The following FAM167A variants were observed in gnomAD, a reference collection of about 807,000 sequenced individuals.
FAM167A encodes the protein protein FAM167A.
A neutral mutation model predicts 14.9 loss-of-function variants in FAM167A; 23 were observed. The observed-to-expected ratio is 1.55, with a 90% CI of 1.11 to 2.19. The LOEUF (loss-of-function observed/expected upper bound fraction) is 2.19. Ranked by LOEUF, FAM167A falls within the 30% of genes most tolerant of loss-of-function variation. The probability of loss-of-function intolerance (pLI) is 0.00; values close to 1 mark genes in which losing one functional copy is unlikely to be tolerated. For synonymous variants in FAM167A, 174 were observed against 117.7 expected, an observed-to-expected ratio of 1.48 and a Z score of -3.10; for missense variants, 401 against 281.5, an observed-to-expected ratio of 1.42 and a Z score of -3.04.
chr8:11,452,709 A>G (rs577030800), intron 1 of FAM167A, among the ~76,000 whole-genome samples: 2 of 152,336 alleles, frequency 1.3e-5, no homozygotes, highest in Admixed American at 6.5e-5. Context: ...CATGAAACCG[A>G]AGCCCAAGCT....
At chr8:11,431,361 G>A (rs1227209790) in intron 2 of FAM167A, among the ~76,000 whole-genome samples, 8 of 152,338 alleles carry the variant, frequency 5.3e-5, no homozygotes, top group Non-Finnish European at 1.0e-4. Flanking sequence ...GTGATGGAAA[G>A]CAGGACAGTG....
At chr8:11,458,527 G>A (rs1030352390) in intron 1 of FAM167A, among the ~76,000 whole-genome samples, 4 of 152,098 alleles carry the variant, frequency 2.6e-5, no homozygotes, top group African/African-American at 7.2e-5. Context: ...CCTGCCCCAG[G>A]AACACTCACG....
intron 1 of FAM167A, among the ~76,000 whole-genome samples, chr8:11,463,917 A>T (rs960755962): frequency 6.6e-6 from 1 of 152,142 alleles, no homozygotes; most frequent in African/African-American, 2.4e-5. Context: ...TATAGATGAC[A>T]ACTTGGGGGG....
chr8:11,467,911 C>G (rs1226149701), upstream of FAM167A, among the ~76,000 whole-genome samples: 1 of 152,248 alleles, frequency 6.6e-6, no homozygotes, highest in East Asian at 1.9e-4. Context: ...CGGTCCTAAG[C>G]TAGCGGGTGT....
rs1804960317 is a variant in FAM167A, at chr8:11,424,129, G to A, written c.*244C>T. On this transcript the variant is annotated 3_prime_UTR_variant, in exon 3 of 3. Transcript: ENST00000284486. ...CCAGGTCTCCTTTAACATCTTGGTT[G>A]GAGCGGCCCTTCTGCAGAGCTCTTT... 1.9e-6 allele frequency: 1 copy of A among 515,344 alleles called. No homozygotes were observed. Among genetic ancestry groups the A allele is most frequent in the Non-Finnish European group, 3.5e-6 (1 of 287,644 alleles). 31.9% of individuals were successfully genotyped at this position (515,344 alleles called of 1,614,324 possible).
At chr8:11,437,346 T>C (rs927189311) in intron 2 of FAM167A, among the ~76,000 whole-genome samples, 3 of 152,212 alleles carry the variant, frequency 2.0e-5, no homozygotes, top group Admixed American at 6.5e-5. Context: ...ACATGCGTAA[T>C]ACAGTACCCA....
At chr8:11,428,028 C>G (rs142135659) in intron 2 of FAM167A, among the ~76,000 whole-genome samples, 2,650 of 152,262 alleles carry the variant, frequency 0.017, 34 homozygotes, top group Middle Eastern at 0.065. Flanking sequence ...CTGCGAACAC[C>G]CATTGCCTTA....
intron 2 of FAM167A, among the ~76,000 whole-genome samples, chr8:11,432,639 G>C (rs1248903031): frequency 6.6e-6 from 1 of 152,192 alleles, no homozygotes; most frequent in Admixed American, 6.5e-5. Context: ...TTCAACCATT[G>C]TGGAAGACAG....
At chr8:11,440,605 G>T (rs1284855187) in intron 2 of FAM167A, among the ~76,000 whole-genome samples, 1 of 152,224 alleles carries the variant, frequency 6.6e-6, no homozygotes, top group African/African-American at 2.4e-5. Flanking sequence ...AGAGCTGCTA[G>T]GTGGTCAGAG....
At chr8:11,435,033 C>CCCT (rs1805910808) in intron 2 of FAM167A, 1 of 456,478 alleles carries the variant, frequency 2.2e-6, no homozygotes, top group Non-Finnish European at 4.4e-6. Flanking sequence ...CTGCCTCCCC[C>CCCT]CCTCACTCAA....
intron 2 of FAM167A, among the ~76,000 whole-genome samples, chr8:11,433,214 T>C (rs916232141): frequency 2.0e-5 from 3 of 148,644 alleles, no homozygotes; most frequent in Non-Finnish European, 4.5e-5. Context: ...TAAAAAAAAA[T>C]AAAAAATAAA....
intron 2 of FAM167A, among the ~76,000 whole-genome samples, chr8:11,428,860 T>C (rs1359584907): frequency 7.2e-5 from 11 of 152,164 alleles, no homozygotes; most frequent in South Asian, 2.1e-4. Context: ...TCTGCTGTAA[T>C]TGAACCAAAT....
At chr8:11,462,175 G>A (rs535340424) in intron 1 of FAM167A, among the ~76,000 whole-genome samples, 20 of 152,340 alleles carry the variant, frequency 1.3e-4, no homozygotes, top group African/African-American at 3.4e-4. Flanking sequence ...GAAGCCTCCC[G>A]GGTTCACACC....
chr8:11,455,237 G>T (rs1807191066), intron 1 of FAM167A, among the ~76,000 whole-genome samples: 1 of 150,520 alleles, frequency 6.6e-6, no homozygotes, highest in Non-Finnish European at 1.5e-5. Context: ...TGGGGTTGTT[G>T]CCTTGCTGTG....
chr8:11,436,559 C>T (rs1256413744), intron 2 of FAM167A, among the ~76,000 whole-genome samples: 3 of 152,208 alleles, frequency 2.0e-5, no homozygotes, highest in Admixed American at 6.5e-5. Flanking sequence ...CTCCCTGCTC[C>T]GACAGGAGCT....
chr8:11,431,786 A>G (rs890005052), intron 2 of FAM167A, among the ~76,000 whole-genome samples: 1 of 149,602 alleles, frequency 6.7e-6, no homozygotes, highest in African/African-American at 2.5e-5. Context: ...AGCCTGAGTG[A>G]CACTGGAAGC....
intron 1 of FAM167A, among the ~76,000 whole-genome samples, chr8:11,447,183 C>CTTTTCTTTTTTT (rs146992974): frequency 4.1e-5 from 6 of 147,088 alleles, no homozygotes; most frequent in African/African-American, 5.1e-5. Flanking sequence ...GGTTTCTTTT[C>CTTTTCTTTTTTT]TTTTTCTTTT....
At chr8:11,465,913 C>G (rs1807746509) in intron 1 of FAM167A, among the ~76,000 whole-genome samples, 2 of 152,194 alleles carry the variant, frequency 1.3e-5, no homozygotes, top group African/African-American at 4.8e-5. Flanking sequence ...CAGGAGGTCC[C>G]AGTCCTCAGA....
At chr8:11,454,010 C>T (rs1563384803) in intron 1 of FAM167A, among the ~76,000 whole-genome samples, 2 of 152,324 alleles carry the variant, frequency 1.3e-5, no homozygotes, top group East Asian at 1.9e-4. Context: ...AGCTATCACG[C>T]GTGTGGAAAG....
Sources: allele counts gnomAD v4.1 joint callset (sites outside exome capture counted in the v4.1 genomes callset), GRCh38; gene constraint gnomAD v4.1.1; transcripts MANE v1.5; gene names NCBI Gene and HGNC (gene_info 2026-07-23, HGNC 2026-07-21).